Variants in VPS35L observed in about 807,000 individuals in gnomAD.
VPS35L encodes VPS35 endosomal protein-sorting factor-like.
In VPS35L, 83 loss-of-function variants were observed where a neutral mutation model predicts 133.0. The ratio of observed to expected loss-of-function variants is 0.62; its 90% CI spans 0.52 to 0.75. The LOEUF is 0.75. Ranked by LOEUF, VPS35L falls within the 30% of genes least tolerant of loss-of-function variation. The probability of loss-of-function intolerance (pLI) is 0.00; values close to 1 mark genes in which losing one functional copy is unlikely to be tolerated. For missense variants in VPS35L, 1,083 were observed against 1,206.8 expected (o/e 0.90, Z 1.52); for synonymous variants, 423 against 449.9 (o/e 0.94, Z 0.76).
Position 19,643,315 on chromosome 16 carries a change from G to A in VPS35L, c.1865+839G>A, listed in dbSNP as rs143270400. ...TAGATTCGTGAGACATTGGGTTTTG[G>A]CTTAAGTAAAATAGAATGTTGATTT... On this transcript the variant is annotated intron_variant, in intron 22 of 30. Transcript: ENST00000417362. 3.3e-5 allele frequency among the ~76,000 whole-genome samples: 5 copies of A among 152,292 alleles called. No individual in the cohort carries two copies. In the East Asian group the frequency reaches 9.6e-4, roughly 29 times the overall value.
intron 7 of VPS35L, among the ~76,000 whole-genome samples, chr16:19,591,108 C>G (rs226865): frequency 1.3e-5 from 2 of 152,054 alleles, no homozygotes; most frequent in Non-Finnish European, 2.9e-5. Flanking sequence ...CATGTATTCA[C>G]TGAAGCTTAT....
At chr16:19,609,236 C>G (rs1283983851) in intron 11 of VPS35L, among the ~76,000 whole-genome samples, 1 of 152,148 alleles carries the variant, frequency 6.6e-6, no homozygotes, top group African/African-American at 2.4e-5. Context: ...AAACTCAAGC[C>G]TGGAGAAGTT....
chr16:19,651,789 C>T (rs1003969605), intron 25 of VPS35L, among the ~76,000 whole-genome samples, 187 bp from the exon 26 acceptor site: 10 of 152,106 alleles, frequency 6.6e-5, no homozygotes, highest in African/African-American at 2.2e-4. Flanking sequence ...ATCACTCACT[C>T]CCCTCACACC....
Position 19,633,961 on chromosome 16 carries a change from C to G in VPS35L, c.1635+789C>G, listed in dbSNP as rs540877256. On this transcript the variant is annotated intron_variant, in intron 19 of 30. Coordinates refer to ENST00000417362, the MANE Select transcript of VPS35L (RefSeq NM_020314.7). This position sits in a 1 kb window ranked among gnomAD's most constrained non-coding sequence, Gnocchi z 4.1. ...CAGGGTGGTCTCGATGTCCTGACTT[C>G]GTGATCCACCCGCCTCAGCCTCCCA... Among the ~76,000 whole-genome samples the G allele has an allele frequency of 1.3e-5, 2 of 151,880 alleles. No homozygotes were observed. The highest frequency in any genetic ancestry group is 2.9e-5 in the Non-Finnish European group (2 of 67,932).
At chr16:19,642,854 A>C (rs1480082416) in intron 22 of VPS35L, among the ~76,000 whole-genome samples, 1 of 152,200 alleles carries the variant, frequency 6.6e-6, no homozygotes, top group African/African-American at 2.4e-5. Context: ...TTGAAATTCA[A>C]ATGAAACTGC....
chr16:19,587,288 T>C (rs1047247738), intron 7 of VPS35L: 4 of 447,588 alleles, frequency 8.9e-6, no homozygotes, highest in Admixed American at 2.4e-5. Context: ...AGCCAAACCA[T>C]GTTAACTATG....
chr16:19,645,588 C>A (rs1436115402), intron 23 of VPS35L, among the ~76,000 whole-genome samples: 2 of 151,938 alleles, frequency 1.3e-5, no homozygotes, highest in Non-Finnish European at 2.9e-5. Context: ...TGCACCCAGC[C>A]CCCTGTCTGT....
In VPS35L at chr16:19,627,732, C is replaced by T; in HGVS notation, c.1310C>T (p.Ala437Val). ...AATTCTGTGATGTCTGCCTTCCGGG[C>T]TGAGTTCATCGCCACAAGGTCTATG... Reference protein sequence around the residue: ...LLNSVMSAFRAEFIATRSMDF... With the variant: ...LLNSVMSAFRVEFIATRSMDF... The change falls in exon 16 of 31, where the codon GCT (alanine) becomes GTT (valine). Residue 437 changes from alanine (A) to valine (V), a missense_variant. Transcript: ENST00000417362. 1 of 1,614,074 alleles carries T rather than the reference C, an allele frequency of 6.2e-7. No individual in the cohort carries two copies. Among genetic ancestry groups the T allele is most frequent in the South Asian group, 1.1e-5 (1 of 91,076 alleles).
intron 5 of VPS35L, chr16:19,578,286 CT>C (rs557894286): frequency 0.14 from 45,890 of 336,636 alleles, 1 homozygote; most frequent in South Asian, 0.2. Flanking sequence ...TTTCTTTTTT[CT>C]TTTTTTTTTT....
In VPS35L at chr16:19,699,522, G is replaced by C. The variant is rs371394211; in HGVS notation, c.2667G>C (p.Ser889=). The change falls in exon 30 of 31, where the codon TCG becomes TCC. Residue 889 remains serine (S), a synonymous_variant. Transcript: ENST00000417362. This position sits in a 1 kb window ranked among gnomAD's most constrained non-coding sequence, Gnocchi z 4.2. The stretch of plus-strand genomic sequence containing the variant: ...TTCAGGCCCTGAAGCGCCAGAGCTC[G>C]TTGGGCCTTTCCTTCTTTAACAGCA... ...AKDEALKRQS[S]LGLSFFNSIL... 6.2e-7 allele frequency: 1 copy of C among 1,614,008 alleles called. No homozygotes were observed. Among genetic ancestry groups the C allele is most frequent in the East Asian group, 2.2e-5 (1 of 44,884 alleles).
At chr16:19,587,649 A>G (rs1036605055) in intron 7 of VPS35L, among the ~76,000 whole-genome samples, 1 of 152,092 alleles carries the variant, frequency 6.6e-6, no homozygotes, top group Non-Finnish European at 1.5e-5. Context: ...AAAAAAAAAA[A>G]AATTAATTGA....
At chr16:19,651,582 A>T (rs889310269) in intron 25 of VPS35L, among the ~76,000 whole-genome samples, 1 of 152,204 alleles carries the variant, frequency 6.6e-6, no homozygotes, top group African/African-American at 2.4e-5. Flanking sequence ...ACAGTAAAAA[A>T]TAAGCATCCT....
rs371394211 is a variant in VPS35L at position 19,699,522 on chromosome 16, G to A, written c.2667G>A (p.Ser889=). Reference sequence around the variant, plus strand: ...TTCAGGCCCTGAAGCGCCAGAGCTCGTTGGGCCTTTCCTTCTTTAACAGCA... The same window carrying A: ...TTCAGGCCCTGAAGCGCCAGAGCTCATTGGGCCTTTCCTTCTTTAACAGCA... ...AKDEALKRQS[S]LGLSFFNSIL... The change falls in exon 30 of 31, where the codon TCG becomes TCA. Residue 889 remains serine (S), a synonymous_variant. Coordinates refer to ENST00000417362, the MANE Select transcript of VPS35L (RefSeq NM_020314.7). This position sits in a 1 kb window ranked among gnomAD's most constrained non-coding sequence, Gnocchi z 4.2. The A allele has an allele frequency of 4.1e-5, 66 of 1,614,128 alleles. No individual in the cohort carries two copies. The highest frequency in any genetic ancestry group is 2.5e-4 in the East Asian group (11 of 44,872).
At chr16:19,576,837 A>C (rs910868795) in intron 5 of VPS35L, among the ~76,000 whole-genome samples, 1 of 150,978 alleles carries the variant, frequency 6.6e-6, no homozygotes, top group Non-Finnish European at 1.5e-5. Flanking sequence ...CTTCTGAGTT[A>C]CTGGGACTAT....
At position 19,556,851 on chromosome 16, in the gene VPS35L, A is replaced by G. The variant is rs560714006; in HGVS notation, c.17+1105A>G. Among the ~76,000 whole-genome samples, 6 of 146,158 alleles carry G rather than the reference A, an allele frequency of 4.1e-5. No homozygotes were observed. The East Asian group carries it at 1.2e-3, about 29-fold the overall frequency. ...CAGTTAATAGTCATGCTGGCTGGGT[A>G]TGGTGGCTCACGCCTGTAATCCCAG... On this transcript the variant is annotated intron_variant, in intron 1 of 30. Coordinates refer to ENST00000417362, the MANE Select transcript of VPS35L (RefSeq NM_020314.7).
intron 7 of VPS35L, among the ~76,000 whole-genome samples, chr16:19,588,182 TG>T (rs1971932617): frequency 6.6e-6 from 1 of 150,998 alleles, no homozygotes; most frequent in African/African-American, 2.4e-5. Flanking sequence ...TATGTATGTA[TG>T]TATGTATTTA....
At chr16:19,604,057 G>A (rs142572868) in intron 9 of VPS35L, among the ~76,000 whole-genome samples, 2 of 151,590 alleles carry the variant, frequency 1.3e-5, no homozygotes, top group African/African-American at 2.4e-5. Flanking sequence ...ATATACACTT[G>A]CCAGCATGTA....
rs373759126 is a variant in VPS35L, at chr16:19,566,750, C to A, written c.117+1800C>A. ...AACCCAATTTGAACAGTTGGCCCCC[C>A]CCTTTTTTTTCTTTTTTTTGAGACA... On this transcript the variant is annotated intron_variant, in intron 2 of 30. Transcript: ENST00000417362. 1.1e-4 allele frequency among the ~76,000 whole-genome samples: 17 copies of A among 151,592 alleles called. 1 individual carries two copies. In the South Asian group the frequency reaches 3.4e-3, roughly 30 times the overall value.
rs748317428 is a variant in VPS35L at position 19,647,851 on chromosome 16, A to G, written c.1997A>G (p.Asn666Ser). Residue 666 changes from asparagine (N) to serine (S), a missense_variant, in exon 24 of 31, where the codon AAT becomes AGT. Physicochemically the swap from Asn to Ser is conservative, Grantham distance 46. Transcript: ENST00000417362. The part of the protein sequence containing the change: ...FYVESRSMFC[N>S]LEPVLVQLIH... Reference sequence around the variant, plus strand: ...GTTGAGTCCAGGTCGATGTTTTGCAATCTGGAGCCTGTTCTTGTGCAGTTG... The same window carrying G: ...GTTGAGTCCAGGTCGATGTTTTGCAGTCTGGAGCCTGTTCTTGTGCAGTTG... 5.6e-6 allele frequency: 9 copies of G among 1,614,100 alleles called. No individual in the cohort carries two copies. In the East Asian group the frequency reaches 6.7e-5, roughly 12 times the overall value.
Sources: gnomAD v4.1 joint callset for allele counts (sites outside exome capture counted in the v4.1 genomes callset) on GRCh38, gnomAD v4.1.1 for gene constraint, Gnocchi (gnomAD v3.1) non-coding constraint, MANE v1.5 for transcripts, NCBI Gene and HGNC (gene_info 2026-07-23, HGNC 2026-07-21) for gene names.